The following PPM1F variants were observed in gnomAD, a reference collection of about 807,000 sequenced individuals.
PPM1F encodes protein phosphatase 1F.
Under a neutral mutation model 35.5 loss-of-function variants are expected in PPM1F, and 17 were observed. The observed-to-expected ratio is 0.48, with a 90% CI of 0.33 to 0.72. The LOEUF is 0.72. Among genes scored for constraint, PPM1F ranks in the 30% least tolerant of loss-of-function variants. The probability of loss-of-function intolerance (pLI) is 0.02; values close to 1 mark genes in which losing one functional copy is unlikely to be tolerated. For synonymous variants in PPM1F, 241 were observed against 255.5 expected (o/e 0.94, Z 0.54); for missense variants, 521 against 613.0 (o/e 0.85, Z 1.59).
chr22:21,939,317 G>A lies in PPM1F; in HGVS notation c.355+215C>T, dbSNP rs528478012. ...CTGCACCACCCACCCCTGCCTCGTG[G>A]GCTGACTGGGAACTATATGACCTGT... is the stretch of plus-strand genomic sequence containing the variant. On this transcript the variant is annotated intron_variant, in intron 3 of 7. Transcript: ENST00000263212. The surrounding 1 kb of genome is among the most constrained non-coding windows in gnomAD (Gnocchi z 5.1). The A allele has an allele frequency of 1.6e-6, 1 of 613,258 alleles. No homozygotes were observed. Among genetic ancestry groups the A allele is most frequent in the South Asian group, 2.0e-5 (1 of 49,016 alleles). The allele number at this position is 613,258 out of a possible 1,614,324, so 38.0% of individuals were successfully genotyped here.
At chr22:21,929,282 G>A in intron 6 of PPM1F, among the ~76,000 whole-genome samples, 1 of 152,168 alleles carries the variant, frequency 6.6e-6, no homozygotes, top group East Asian at 1.9e-4. Flanking sequence ...CACTGGATCT[G>A]AACTCCTTGG....
chr22:21,933,936 G>A, intron 4 of PPM1F, 88 bp downstream of exon 4: 1 of 1,284,150 alleles, frequency 7.8e-7, no homozygotes. Flanking sequence ...CTCAGCCTTG[G>A]TGGGCAGCTC....
intron 5 of PPM1F, among the ~76,000 whole-genome samples, chr22:21,931,882 A>G (rs1690106565): frequency 6.6e-6 from 1 of 151,260 alleles, no homozygotes; most frequent in South Asian, 2.1e-4. Flanking sequence ...GCACAGTCTC[A>G]GCTCACTGCA....
chr22:21,931,050 C>A (rs2145795573), intron 6 of PPM1F, 98 bp downstream of exon 6: 1 of 1,545,552 alleles, frequency 6.5e-7, no homozygotes, highest in South Asian at 1.2e-5. Context: ...GCCAGGATTA[C>A]TACTACCTGA....
intron 6 of PPM1F, among the ~76,000 whole-genome samples, chr22:21,927,139 T>A (rs1458282194): frequency 6.6e-6 from 1 of 151,954 alleles, no homozygotes; most frequent in East Asian, 1.9e-4. Flanking sequence ...TCTCTCTGGG[T>A]CTAAGATCTG....
chr22:21,932,456 A>C (rs2070603680), intron 5 of PPM1F, among the ~76,000 whole-genome samples: 1 of 152,146 alleles, frequency 6.6e-6, no homozygotes, highest in African/African-American at 2.4e-5. Flanking sequence ...ATTTCCATGA[A>C]GGTCTGTGCT....
Position 21,920,664 on chromosome 22 carries a change from T to C in PPM1F, c.*2428A>G, listed in dbSNP as rs2070437400. 1 of 152,280 alleles carries C rather than the reference T, an allele frequency of 6.6e-6. No individual in the cohort carries two copies. The highest frequency in any genetic ancestry group is 1.5e-5 in the Non-Finnish European group (1 of 68,114). 9.4% of individuals were successfully genotyped at this position (152,280 alleles called of 1,614,324 possible). Reference sequence around the variant, plus strand: ...GCTCAGGGGTGGGGAGCGGCAGTGCTGGGACAAGCCTGGGGAAAGGGTTTC... The same window carrying C: ...GCTCAGGGGTGGGGAGCGGCAGTGCCGGGACAAGCCTGGGGAAAGGGTTTC... On this transcript the variant is annotated 3_prime_UTR_variant, in exon 8 of 8. Transcript: ENST00000263212.
In PPM1F at chr22:21,938,470, G is replaced by A. The variant is rs150541236; in HGVS notation, c.355+1062C>T. On this transcript the variant is annotated intron_variant, in intron 3 of 7. Transcript: ENST00000263212. ...GGACGAGAGCGAGGAGGAGAGCGCGGGCACCCACTGATGCTGGCGGCCTCG... is the reference window on the plus strand; with the variant it reads ...GGACGAGAGCGAGGAGGAGAGCGCGAGCACCCACTGATGCTGGCGGCCTCG... 1,293 of 1,117,784 alleles carry A rather than the reference G, an allele frequency of 1.2e-3. 10 individuals are homozygous for A. The African/African-American group carries it at 0.021, about 18-fold the overall frequency. 69.2% of individuals were successfully genotyped at this position (1,117,784 alleles called of 1,614,324 possible). A position where few individuals can be genotyped will look rare whatever the true frequency, so the allele number is the denominator to read the frequency against.
At chr22:21,925,175 GT>G (rs1170239095) in intron 7 of PPM1F, 3 of 316,334 alleles carry the variant, frequency 9.5e-6, no homozygotes, top group African/African-American at 6.4e-5. Context: ...GATTACAGGC[GT>G]GAGCCACCGC....
rs1266380112 is a variant in PPM1F, at chr22:21,921,104, G to GGGGTAAGGCTGGGCATGC, written c.*1970_*1987dup. Reference sequence around the variant, plus strand: ...AACCTCATCTGTGCTGTGAGAATGAGGGGTAAGGCTGGGCATGCAGGTAGG... The same window carrying GGGGTAAGGCTGGGCATGC: ...AACCTCATCTGTGCTGTGAGAATGAGGGGTAAGGCTGGGCATGCGGGTAAGGCTGGGCATGCAGGTAGG... On this transcript the variant is annotated 3_prime_UTR_variant, in exon 8 of 8. Coordinates refer to ENST00000263212, the MANE Select transcript of PPM1F (RefSeq NM_014634.4). 6.6e-6 allele frequency: 1 copy of GGGGTAAGGCTGGGCATGC among 152,048 alleles called. No homozygotes were observed. The highest frequency in any genetic ancestry group is 1.5e-5 in the Non-Finnish European group (1 of 67,716). The allele number at this position is 152,048 out of a possible 1,614,324, so 9.4% of individuals were successfully genotyped here.
Position 21,922,306 on chromosome 22 carries a change from T to C in PPM1F, c.*786A>G, listed in dbSNP as rs1030249452. On this transcript the variant is annotated 3_prime_UTR_variant, in exon 8 of 8. Coordinates refer to ENST00000263212, the MANE Select transcript of PPM1F (RefSeq NM_014634.4). ...AAAGAATAAAATAAATGCTAAGCTC[T>C]GCTTAAATTATATGACACAACAGGT... The C allele has an allele frequency of 6.6e-6, 1 of 152,600 alleles. No individual in the cohort carries two copies. Among genetic ancestry groups the C allele is most frequent in the Non-Finnish European group, 1.5e-5 (1 of 68,046 alleles). The allele number at this position is 152,600 out of a possible 1,614,324, so 9.5% of individuals were successfully genotyped here. A position where few individuals can be genotyped will look rare whatever the true frequency, so the allele number is the denominator to read the frequency against.
chr22:21,934,915 CT>C (rs1388087441), intron 3 of PPM1F: 4 of 146,736 alleles, frequency 2.7e-5, no homozygotes, highest in African/African-American at 5.0e-5. Context: ...AAGATCTAGT[CT>C]CTTGATGAAG....
At position 21,922,990 on chromosome 22, in the gene PPM1F, C is replaced by T. The variant is rs915487722; in HGVS notation, c.*102G>A. 1.2e-5 allele frequency: 17 copies of T among 1,435,992 alleles called. No individual in the cohort carries two copies. Among genetic ancestry groups the T allele is most frequent in the East Asian group, 4.6e-5 (2 of 43,606 alleles). 89.0% of individuals were successfully genotyped at this position (1,435,992 alleles called of 1,614,324 possible). On this transcript the variant is annotated 3_prime_UTR_variant, in exon 8 of 8. Coordinates refer to ENST00000263212, the MANE Select transcript of PPM1F (RefSeq NM_014634.4). ...GGGTGCTGGGGAAAGCACTGTGGGGCGGGCACCCTGTCCACTGCCTGCCAC... is the reference window on the plus strand; with the variant it reads ...GGGTGCTGGGGAAAGCACTGTGGGGTGGGCACCCTGTCCACTGCCTGCCAC...
At chr22:21,932,173 G>A (rs896350870) in intron 5 of PPM1F, among the ~76,000 whole-genome samples, 2 of 151,964 alleles carry the variant, frequency 1.3e-5, no homozygotes, top group African/African-American at 2.4e-5. Context: ...GGCTGGTCTC[G>A]AATTCCTAAC....
At chr22:21,931,425 TA>T (rs1241216651) in intron 5 of PPM1F, 134 bp from the exon 6 acceptor site, 1 of 839,114 alleles carries the variant, frequency 1.2e-6, no homozygotes, top group Non-Finnish European at 1.8e-6. Flanking sequence ...TGTATATGTG[TA>T]TAAGCCAAAA....
chr22:21,939,226 G>T lies in PPM1F; in HGVS notation c.355+306C>A. ...TCACCTGTGAGATCCTCTGTGAAAC[G>T]GGATAAGCATCTTTAATTTCCTGGG... On this transcript the variant is annotated intron_variant, in intron 3 of 7. Coordinates refer to ENST00000263212, the MANE Select transcript of PPM1F (RefSeq NM_014634.4). This position sits in a 1 kb window ranked among gnomAD's most constrained non-coding sequence, Gnocchi z 5.1. 2.9e-6 allele frequency: 1 copy of T among 341,440 alleles called. No homozygotes were observed. Among genetic ancestry groups the T allele is most frequent in the Non-Finnish European group, 5.4e-6 (1 of 183,796 alleles). 21.2% of individuals were successfully genotyped at this position (341,440 alleles called of 1,614,324 possible).
intron 1 of PPM1F, chr22:21,951,252 G>A (rs1468148278): frequency 6.6e-6 from 1 of 152,218 alleles, no homozygotes; most frequent in Non-Finnish European, 1.5e-5. Flanking sequence ...TGACTGGCGG[G>A]TGGCATGGGC....
At chr22:21,948,088 C>G (rs1461733457) in intron 1 of PPM1F, 1 of 152,114 alleles carries the variant, frequency 6.6e-6, no homozygotes, top group Non-Finnish European at 1.5e-5. Context: ...TGGGGATAGA[C>G]TAAATTTATT....
At chr22:21,933,135 TC>T (rs2070612485) in intron 5 of PPM1F, among the ~76,000 whole-genome samples, 1 of 152,158 alleles carries the variant, frequency 6.6e-6, no homozygotes, top group African/African-American at 2.4e-5. Flanking sequence ...ACAGCTGCCT[TC>T]CCCGAGGCCA....
Sources: allele counts gnomAD v4.1 joint callset (sites outside exome capture counted in the v4.1 genomes callset), GRCh38; gene constraint gnomAD v4.1.1; non-coding constraint Gnocchi (gnomAD v3.1); transcripts MANE v1.5; gene names NCBI Gene and HGNC (gene_info 2026-07-23, HGNC 2026-07-21).